The following CELF3 variants were observed in gnomAD, a reference collection of about 807,000 sequenced individuals.
The protein encoded by CELF3 is CAG repeat domain.
Under a neutral mutation model 59.6 loss-of-function variants are expected in CELF3, and 26 were observed. The ratio of observed to expected loss-of-function variants is 0.44; its 90% CI spans 0.32 to 0.61. The LOEUF is 0.61. Among genes scored for constraint, CELF3 ranks in the 20% least tolerant of loss-of-function variants. The pLI is 0.06. For synonymous variants in CELF3, 245 were observed against 250.7 expected, an observed-to-expected ratio of 0.98 and a Z score of 0.22; for missense variants, 387 against 627.2, an observed-to-expected ratio of 0.62 and a Z score of 4.09.
At chr1:151,706,392 G>A in intron 9 of CELF3, 31 bp from the exon 10 acceptor site, 1 of 1,522,466 alleles carries the variant, frequency 6.6e-7, no homozygotes, top group Non-Finnish European at 8.8e-7. Flanking sequence ...AGGCTGATGG[G>A]GCTTCCCTGA....
chr1:151,715,850 C>T, intron 1 of CELF3, 26 bp downstream of exon 1: 1 of 1,603,874 alleles, frequency 6.2e-7, no homozygotes, highest in Non-Finnish European at 8.5e-7. Flanking sequence ...CACCCCGAAG[C>T]CTCTTCAGCC....
At chr1:151,714,751 C>A in intron 1 of CELF3, 75 bp from the exon 2 acceptor site, 1 of 1,047,840 alleles carries the variant, frequency 9.5e-7, no homozygotes, top group Non-Finnish European at 1.4e-6. Context: ...GGCTCCCTTC[C>A]AAAGACTGAC....
chr1:151,709,648 G>T lies in CELF3; in HGVS notation c.277+95C>A, dbSNP rs1672851819. 1 of 1,260,008 alleles carries T rather than the reference G, an allele frequency of 7.9e-7. No individual in the cohort carries two copies. Among genetic ancestry groups the T allele is most frequent in the Non-Finnish European group, 1.2e-6 (1 of 858,142 alleles). The allele number at this position is 1,260,008 out of a possible 1,614,324, so 78.1% of individuals were successfully genotyped here. ...GCTGGGAACTCTTCAGAATCATCAG[G>T]CTTTCTCCCTCAAGAAAGGCTACCC... On this transcript the variant is annotated intron_variant, in intron 3 of 12. Transcript: ENST00000290583. The surrounding 1 kb of genome is among the most constrained non-coding windows in gnomAD (Gnocchi z 4.9).
At position 151,703,071 on chromosome 1, in the gene CELF3, C is replaced by G; in HGVS notation, c.*388G>C. 2.3e-6 allele frequency: 1 copy of G among 425,602 alleles called. No individual in the cohort carries two copies. Among genetic ancestry groups the G allele is most frequent in the South Asian group, 1.6e-5 (1 of 60,988 alleles). 26.4% of individuals were successfully genotyped at this position (425,602 alleles called of 1,614,324 possible). A position where few individuals can be genotyped will look rare whatever the true frequency, so the allele number is the denominator to read the frequency against. ...GTGAGCTGGGAGTGTGTGGCAGGCC[C>G]CTGCGGCTCTCCTGGGGCCTGCACG... On this transcript the variant is annotated 3_prime_UTR_variant, in exon 13 of 13. Transcript: ENST00000290583.
Position 151,714,659 on chromosome 1 carries a change from A to C in CELF3, c.163T>G (p.Tyr55Asp). ...GLHKGCAFLT[Y>D]CARDSALKAQ... ...TTCAGGGCTGAATCCCGGGCACAGT[A>C]TGTCAGGAAGGCACATCCTGAGGAG... The change falls in exon 2 of 13, where the codon TAC (tyrosine) becomes GAC (aspartate). Residue 55 changes from tyrosine to aspartate, a missense_variant. Transcript: ENST00000290583. 6.4e-7 allele frequency: 1 copy of C among 1,559,218 alleles called. No individual in the cohort carries two copies. The highest frequency in any genetic ancestry group is 1.2e-5 in the South Asian group (1 of 84,488).
At chr1:151,713,818 G>GCAGT (rs1016708301) in intron 2 of CELF3, among the ~76,000 whole-genome samples, 7 of 152,222 alleles carry the variant, frequency 4.6e-5, no homozygotes, top group African/African-American at 1.7e-4. Flanking sequence ...TGCTTTCCTA[G>GCAGT]CAGTACTCAA....
rs1236789052 is a variant in CELF3 at position 151,715,895 on chromosome 1, C to T, written c.126G>A (p.Lys42=). 3.7e-6 allele frequency: 6 copies of T among 1,613,802 alleles called. No homozygotes were observed. Among genetic ancestry groups the T allele is most frequent in the African/African-American group, 1.3e-5 (1 of 74,916 alleles). Residue 42 remains lysine (K), a synonymous_variant, in exon 1 of 13, where the codon AAG becomes AAA. Transcript: ENST00000290583. ...CCTCACCCTTGTGCAGCCCGGTGTACTTGTCCTTGATGACAGTCAGCTCAA... is the reference window on the plus strand; with the variant it reads ...CCTCACCCTTGTGCAGCCCGGTGTATTTGTCCTTGATGACAGTCAGCTCAA... The part of the protein sequence containing the change: ...RIFELTVIKD[K]YTGLHKGCAF...
intron 1 of CELF3, 88 bp downstream of exon 1, chr1:151,715,788 C>A: frequency 6.3e-7 from 1 of 1,594,268 alleles, no homozygotes; most frequent in East Asian, 2.2e-5. Context: ...ATCAGCCCTT[C>A]CCAGCCGCTC....
intron 1 of CELF3, 194 bp downstream of exon 1, chr1:151,715,682 C>T: frequency 6.5e-7 from 1 of 1,529,068 alleles, no homozygotes. Flanking sequence ...AAGAGGCCCT[C>T]CTTAGTCCTT....
At position 151,715,195 on chromosome 1, in the gene CELF3, G is replaced by A. The variant is rs542437675; in HGVS notation, c.146-519C>T. ...CTCTTCCCTGTGCCAGGTGGAGGGG[G>A]AGCTGGTGTGGCCCCTGGGATCCCC... On this transcript the variant is annotated intron_variant, in intron 1 of 12. Transcript: ENST00000290583. Among the ~76,000 whole-genome samples the A allele has an allele frequency of 3.5e-4, 53 of 152,164 alleles. 1 individual carries two copies. Among genetic ancestry groups the A allele is most frequent in the African/African-American group, 1.2e-3 (51 of 41,492 alleles).
Position 151,709,125 on chromosome 1 carries a change from C to T in CELF3, c.407-48G>A, listed in dbSNP as rs371600910. 28 of 1,605,574 alleles carry T rather than the reference C, an allele frequency of 1.7e-5. No individual in the cohort carries two copies. Among genetic ancestry groups the T allele is most frequent in the East Asian group, 1.3e-4 (6 of 44,636 alleles). On this transcript the variant is annotated intron_variant, in intron 4 of 12. Coordinates refer to ENST00000290583, the MANE Select transcript of CELF3 (RefSeq NM_007185.7). The surrounding 1 kb of genome is among the most constrained non-coding windows in gnomAD (Gnocchi z 4.9). ...GGAGAGGGGTAAGCACCCATCCCTG[C>T]GGGACCCCGCGGTGGAACCCGATGC...
In CELF3 at chr1:151,706,685, C is replaced by A; in HGVS notation, c.972G>T (p.Gly324=). 1.9e-6 allele frequency: 3 copies of A among 1,551,400 alleles called. No individual in the cohort carries two copies. The highest frequency in any genetic ancestry group is 2.6e-6 in the Non-Finnish European group (3 of 1,146,960). Residue 324 remains glycine, a synonymous_variant, in exon 9 of 13, where the codon GGG becomes GGT. Transcript: ENST00000290583. ...GCGCCTCACCTGTGTAGTGCTGCATCCCCGCGTAGGCCTGCTGCAGGGGGT... is the reference window on the plus strand; with the variant it reads ...GCGCCTCACCTGTGTAGTGCTGCATACCCGCGTAGGCCTGCTGCAGGGGGT... ...PVDPLQQAYA[G]MQHYTAAYPA...
rs746806614 is a variant in CELF3, at chr1:151,707,652, G to T, written c.631-4C>A. The T allele has an allele frequency of 6.2e-7, 1 of 1,605,556 alleles. No homozygotes were observed. Among genetic ancestry groups the T allele is most frequent in the Admixed American group, 1.7e-5 (1 of 59,126 alleles). ...GGGCCGCCTGCTGCTGCATCAGCTGGGGGGAGGGGAGAGGAGAGTGGGGCA... is the reference window on the plus strand; with the variant it reads ...GGGCCGCCTGCTGCTGCATCAGCTGTGGGGAGGGGAGAGGAGAGTGGGGCA... On this transcript the variant is annotated splice_polypyrimidine_tract_variant and splice_region_variant and intron_variant, in intron 6 of 12. Transcript: ENST00000290583.
intron 12 of CELF3, 140 bp from the exon 13 acceptor site, chr1:151,703,588 A>G (rs1672249536): frequency 6.6e-6 from 2 of 300,770 alleles, no homozygotes; most frequent in East Asian, 7.9e-5. Flanking sequence ...ATCAGGCCTC[A>G]GTCCAAACGG....
chr1:151,710,721 T>G (rs1672955375), intron 2 of CELF3: 1 of 456,374 alleles, frequency 2.2e-6, no homozygotes, highest in Admixed American at 2.4e-5. Context: ...CCTCCAGAGC[T>G]CTAACCTCTC....
Position 151,700,294 on chromosome 1 carries a change from T to C in CELF3, c.*3165A>G, listed in dbSNP as rs1671985637. Among the ~76,000 whole-genome samples the C allele has an allele frequency of 6.6e-6, 1 of 152,190 alleles. No individual in the cohort carries two copies. The highest frequency in any genetic ancestry group is 2.1e-4 in the South Asian group (1 of 4,832). The stretch of plus-strand genomic sequence containing the variant: ...GACCTGTGGATGAGGGCCGTTAAGA[T>C]TTTCATGAAGAAAGTAGTGTTTAAG... On this transcript the variant is annotated 3_prime_UTR_variant, in exon 13 of 13. Transcript: ENST00000290583.
chr1:151,709,970 A>G lies in CELF3; in HGVS notation c.229-179T>C, dbSNP rs903927253. ...ATGAAGGCCTGAGGGGATCAGAGGCACAGAGAGAGAGGATGTAGAGGGAGA... is the reference window on the plus strand; with the variant it reads ...ATGAAGGCCTGAGGGGATCAGAGGCGCAGAGAGAGAGGATGTAGAGGGAGA... On this transcript the variant is annotated intron_variant, in intron 2 of 12. Transcript: ENST00000290583. The surrounding 1 kb of genome is among the most constrained non-coding windows in gnomAD (Gnocchi z 4.9). The G allele has an allele frequency of 5.2e-5, 34 of 654,474 alleles. No homozygotes were observed. In the African/African-American group the frequency reaches 5.6e-4, roughly 11 times the overall value. The allele number at this position is 654,474 out of a possible 1,614,324, so 40.5% of individuals were successfully genotyped here.
chr1:151,707,361 A>G, intron 7 of CELF3, 67 bp from the exon 8 acceptor site: 1 of 1,544,026 alleles, frequency 6.5e-7, no homozygotes. Flanking sequence ...AGAACCAGTC[A>G]GCAAGTCTGT....
Position 151,709,431 on chromosome 1 carries a change from T to C in CELF3, c.278-83A>G. ...CCCTTCTTCCGCCCTTCCCTGGAGC[T>C]CCTAACACTACTTCTGCTACCCTTA... is the stretch of plus-strand genomic sequence containing the variant. On this transcript the variant is annotated intron_variant, in intron 3 of 12. Coordinates refer to ENST00000290583, the MANE Select transcript of CELF3 (RefSeq NM_007185.7). This position sits in a 1 kb window ranked among gnomAD's most constrained non-coding sequence, Gnocchi z 4.9. 6.3e-7 allele frequency: 1 copy of C among 1,577,972 alleles called. No individual in the cohort carries two copies. The highest frequency in any genetic ancestry group is 8.7e-7 in the Non-Finnish European group (1 of 1,153,678).
Sources: allele counts gnomAD v4.1 joint callset (sites outside exome capture counted in the v4.1 genomes callset), GRCh38; gene constraint gnomAD v4.1.1; non-coding constraint Gnocchi (gnomAD v3.1); transcripts MANE v1.5; gene names NCBI Gene and HGNC (gene_info 2026-07-23, HGNC 2026-07-21).